The following ADAMTSL1 variants were observed in gnomAD, a reference collection of about 807,000 sequenced individuals.
The protein encoded by ADAMTSL1 is ADAMTS-like protein 1.
ADAMTSL1 carries 126 observed loss-of-function variants against 201.8 expected under a neutral mutation model. The observed-to-expected ratio is 0.62, with a 90% confidence interval of 0.54 to 0.72. The LOEUF (loss-of-function observed/expected upper bound fraction) is 0.72, where lower values mean the gene tolerates loss of function less well. Among genes scored for constraint, ADAMTSL1 ranks in the 30% least tolerant of loss-of-function variants. The pLI, the probability that ADAMTSL1 is intolerant of heterozygous loss-of-function variation, is 0.00. For missense variants in ADAMTSL1, 2,679 were observed against 2,277.8 expected (o/e 1.18, Z -3.59); for synonymous variants, 1,121 against 903.4 (o/e 1.24, Z -4.32).
At chr9:18,839,752 T>C (rs550541044) in intron 23 of ADAMTSL1, among the ~76,000 whole-genome samples, 19 of 152,196 alleles carry the variant, frequency 1.2e-4, no homozygotes, top group Admixed American at 6.5e-5. Context: ...TGGTATCTCA[T>C]TGTGGTTTTG....
intron 4 of ADAMTSL1, among the ~76,000 whole-genome samples, chr9:18,607,005 C>A (rs1298411017): frequency 6.6e-6 from 1 of 152,138 alleles, no homozygotes; most frequent in Non-Finnish European, 1.5e-5. Context: ...CAAACAACTG[C>A]TGTTATCTTA....
At chr9:18,570,053 G>A (rs1412508903) in intron 3 of ADAMTSL1, among the ~76,000 whole-genome samples, 2 of 151,994 alleles carry the variant, frequency 1.3e-5, no homozygotes, top group South Asian at 4.2e-4. Flanking sequence ...TAGGTTATCA[G>A]TTTCTAAATC....
chr9:18,504,914 G>C lies in ADAMTSL1; in HGVS notation c.149G>C (p.Gly50Ala), dbSNP rs755330972. ...GPWSECSRTCGGGASYSLRRC... is the reference protein window; with the variant it reads ...GPWSECSRTCAGGASYSLRRC... Reference sequence around the variant, plus strand: ...TGGAGTGAATGCTCACGCACCTGCGGGGGTGGGGCCTCCTACTCTCTGAGG... The same window carrying C: ...TGGAGTGAATGCTCACGCACCTGCGCGGGTGGGGCCTCCTACTCTCTGAGG... The change falls in exon 2 of 29, where the codon GGG becomes GCG. Residue 50 changes from glycine to alanine, a missense_variant. By Grantham distance (60) the Gly-to-Ala change is moderately conservative. Coordinates refer to ENST00000380548, the MANE Select transcript of ADAMTSL1 (RefSeq NM_001040272.6). 9 of 1,612,728 alleles carry C rather than the reference G, an allele frequency of 5.6e-6. No homozygotes were observed. Among genetic ancestry groups the C allele is most frequent in the South Asian group, 1.1e-5 (1 of 91,028 alleles).
chr9:18,195,669 A>C (rs1047597354), intron 2 of ADAMTSL1, among the ~76,000 whole-genome samples: 2 of 152,160 alleles, frequency 1.3e-5, no homozygotes, highest in African/African-American at 4.8e-5. Context: ...TTGACCTTTG[A>C]TAGTTAAATC....
chr9:18,187,394 A>G (rs926519833), intron 2 of ADAMTSL1, among the ~76,000 whole-genome samples: 12 of 152,188 alleles, frequency 7.9e-5, no homozygotes, highest in Non-Finnish European at 1.5e-4. Flanking sequence ...TGACCTGTCC[A>G]TAGGTTCACA....
chr9:18,591,585 C>T (rs1587658371), intron 4 of ADAMTSL1, among the ~76,000 whole-genome samples: 1 of 152,046 alleles, frequency 6.6e-6, no homozygotes, highest in Non-Finnish European at 1.5e-5. Flanking sequence ...ATTTTGTAAC[C>T]TCTCTCTTCC....
intron 3 of ADAMTSL1, among the ~76,000 whole-genome samples, chr9:18,544,569 A>G (rs531655131): frequency 2.0e-5 from 3 of 152,218 alleles, no homozygotes; most frequent in Non-Finnish European, 4.4e-5. Context: ...GGGTTTAGCA[A>G]TAGTTGTAAA....
rs145239367 is a variant in ADAMTSL1, at chr9:18,207,124, C to T, written c.207+43143C>T. ...AGATTGCAGTGAGCTGAGATCCCAC[C>T]ATTGTACTCCAGCCTGGGTGATAAG... On this transcript the variant is annotated intron_variant, in intron 2 of 29. Coordinates refer to the ADAMTSL1 transcript ENST00000680146. Among the ~76,000 whole-genome samples the T allele has an allele frequency of 1.8e-4, 27 of 151,878 alleles. No individual in the cohort carries two copies. In the East Asian group the frequency reaches 3.3e-3, roughly 19 times the overall value.
intron 4 of ADAMTSL1, among the ~76,000 whole-genome samples, chr9:18,615,378 C>T (rs1269823999): frequency 1.3e-5 from 2 of 152,244 alleles, no homozygotes; most frequent in African/African-American, 4.8e-5. Context: ...TTCCCCTTCA[C>T]TTGCTATATG....
intron 2 of ADAMTSL1, among the ~76,000 whole-genome samples, chr9:18,186,479 C>A (rs772014895): frequency 6.6e-6 from 1 of 152,078 alleles, no homozygotes; most frequent in Admixed American, 6.6e-5. Flanking sequence ...CCAAATACAT[C>A]CTAGTCATGT....
intron 14 of ADAMTSL1, among the ~76,000 whole-genome samples, chr9:18,718,749 TC>T (rs1470371638): frequency 6.6e-6 from 1 of 152,174 alleles, no homozygotes; most frequent in Non-Finnish European, 1.5e-5. Flanking sequence ...ACAGGTCACA[TC>T]ACTTACACAC....
intron 2 of ADAMTSL1, among the ~76,000 whole-genome samples, chr9:18,406,900 A>G (rs1818230338): frequency 6.6e-6 from 1 of 152,194 alleles, no homozygotes; most frequent in Non-Finnish European, 1.5e-5. Context: ...GGGTCATAAT[A>G]ATAATATCTG....
At chr9:18,693,855 G>A (rs933008830) in intron 13 of ADAMTSL1, among the ~76,000 whole-genome samples, 16 of 152,162 alleles carry the variant, frequency 1.1e-4, no homozygotes, top group African/African-American at 3.6e-4. Context: ...GTTAATAGGG[G>A]ACCTATTAGG....
At chr9:17,950,431 G>T (rs147324730) in intron 1 of ADAMTSL1, among the ~76,000 whole-genome samples, 1,861 of 151,860 alleles carry the variant, frequency 0.012, 35 homozygotes, top group African/African-American at 0.043. Context: ...TTTCCCAGAA[G>T]AAATTTCTAC....
At chr9:18,627,986 A>G (rs902200365) in intron 5 of ADAMTSL1, among the ~76,000 whole-genome samples, 21 of 152,192 alleles carry the variant, frequency 1.4e-4, no homozygotes, top group African/African-American at 5.1e-4. Flanking sequence ...CTTTATATAT[A>G]CTAGGTACAA....
chr9:17,971,851 T>C (rs922359182), intron 1 of ADAMTSL1, among the ~76,000 whole-genome samples: 6 of 151,982 alleles, frequency 3.9e-5, no homozygotes, highest in Non-Finnish European at 7.4e-5. Context: ...ACTTAAAGCA[T>C]ATCATGTGCT....
chr9:18,074,137 T>C (rs974042767), intron 1 of ADAMTSL1, among the ~76,000 whole-genome samples: 3 of 152,192 alleles, frequency 2.0e-5, no homozygotes, highest in African/African-American at 4.8e-5. Flanking sequence ...ATCATGCCCC[T>C]GTGTTCTGGT....
chr9:17,927,444 A>G (rs957096749), intron 1 of ADAMTSL1, among the ~76,000 whole-genome samples: 2 of 152,068 alleles, frequency 1.3e-5, no homozygotes, highest in Non-Finnish European at 2.9e-5. Flanking sequence ...ATGTACATAT[A>G]TACATATACA....
chr9:18,239,426 AG>A (rs1237737982), intron 2 of ADAMTSL1, among the ~76,000 whole-genome samples: 1 of 152,148 alleles, frequency 6.6e-6, no homozygotes, highest in Non-Finnish European at 1.5e-5. Flanking sequence ...CTTCACCAGG[AG>A]TAGATTCTGT....
Sources: gnomAD v4.1 joint callset for allele counts (sites outside exome capture counted in the v4.1 genomes callset) on GRCh38, gnomAD v4.1.1 for gene constraint, MANE v1.5 for transcripts, NCBI Gene and HGNC (gene_info 2026-07-23, HGNC 2026-07-21) for gene names.